RELCH: variants seen among roughly 807,000 people sequenced by gnomAD.
The protein encoded by RELCH is RAB11-binding protein RELCH.
Under a neutral mutation model 150.3 loss-of-function variants are expected in RELCH, and 41 were observed. That is an observed-to-expected ratio of 0.27 (90% CI 0.21 to 0.35). RELCH has a LOEUF of 0.35. RELCH is among the 10% of genes least tolerant of loss of function. The pLI, the probability that RELCH is intolerant of heterozygous loss-of-function variation, is 1.00. For missense variants in RELCH, 1,092 were observed against 1,467.8 expected (o/e 0.74, Z 4.18); for synonymous variants, 478 against 531.8 (o/e 0.90, Z 1.39).
intron 1 of RELCH, among the ~76,000 whole-genome samples, chr18:62,195,027 T>A (rs2038923655): frequency 6.6e-6 from 1 of 152,164 alleles, no homozygotes; most frequent in African/African-American, 2.4e-5. Flanking sequence ...TACTGTTTAA[T>A]TTTTTTCTTG....
intron 1 of RELCH, among the ~76,000 whole-genome samples, chr18:62,189,049 G>A (rs1038516264): frequency 6.6e-6 from 1 of 152,120 alleles, no homozygotes; most frequent in South Asian, 2.1e-4. Flanking sequence ...AGACGTGGTG[G>A]AAGCTTAGGG....
intron 1 of RELCH, among the ~76,000 whole-genome samples, chr18:62,193,566 A>G (rs56292591): frequency 0.16 from 24,747 of 152,102 alleles, 2,702 homozygotes; most frequent in Middle Eastern, 0.29. Flanking sequence ...GAGAGTTTTT[A>G]ACATAAAGGA....
At chr18:62,291,670 A>C in intron 27 of RELCH, 39 bp downstream of exon 27, 1 of 1,298,290 alleles carries the variant, frequency 7.7e-7, no homozygotes, top group Non-Finnish European at 1.1e-6. Flanking sequence ...TTCATGTTTT[A>C]ATACCTCATA....
chr18:62,266,534 TC>T (rs1252657421), intron 18 of RELCH, among the ~76,000 whole-genome samples, 166 bp from the exon 19 acceptor site: 1 of 151,840 alleles, frequency 6.6e-6, no homozygotes, highest in Non-Finnish European at 1.5e-5. Flanking sequence ...GACTCTTCTA[TC>T]CTAAGCCTCA....
intron 5 of RELCH, 62 bp downstream of exon 5, chr18:62,221,559 T>A: frequency 1.4e-6 from 1 of 729,724 alleles, no homozygotes; most frequent in Non-Finnish European, 2.2e-6. Flanking sequence ...CTTTTTCTTT[T>A]ACGTAGTTTC....
intron 1 of RELCH, among the ~76,000 whole-genome samples, chr18:62,197,914 T>G (rs1211787425): frequency 6.6e-6 from 1 of 152,224 alleles, no homozygotes; most frequent in Non-Finnish European, 1.5e-5. Context: ...CAGCCTATTG[T>G]TTGAAGACCA....
intron 26 of RELCH, among the ~76,000 whole-genome samples, chr18:62,289,752 ATC>A (rs1366862136): frequency 2.6e-5 from 4 of 152,228 alleles, no homozygotes; most frequent in Admixed American, 6.5e-5. Context: ...GTTTCCTAAT[ATC>A]TGATGGAACT....
At chr18:62,242,951 A>G (rs542108249) in intron 10 of RELCH, among the ~76,000 whole-genome samples, 3 of 152,278 alleles carry the variant, frequency 2.0e-5, no homozygotes, top group Non-Finnish European at 4.4e-5. Context: ...GTATACATGT[A>G]GAGATGATGG....
intron 15 of RELCH, among the ~76,000 whole-genome samples, chr18:62,260,375 C>CAA (rs201786752): frequency 0.21 from 21,612 of 100,740 alleles, 2,178 homozygotes; most frequent in Non-Finnish European, 0.31. Context: ...ATTAAAAAGA[C>CAA]AAAAAAAAAA....
At chr18:62,253,202 G>T (rs1013249890) in intron 12 of RELCH, among the ~76,000 whole-genome samples, 1 of 150,358 alleles carries the variant, frequency 6.7e-6, no homozygotes, top group Non-Finnish European at 1.5e-5. Context: ...GAATCTGAAT[G>T]AACTAAGATG....
intron 22 of RELCH, among the ~76,000 whole-genome samples, chr18:62,278,704 G>A (rs2044346044): frequency 6.6e-6 from 1 of 151,976 alleles, no homozygotes; most frequent in South Asian, 2.1e-4. Context: ...TGCCCTTCTC[G>A]GTTGAACTCA....
intron 11 of RELCH, among the ~76,000 whole-genome samples, chr18:62,247,973 C>T (rs193027491): frequency 1.4e-3 from 209 of 152,236 alleles, no homozygotes; most frequent in African/African-American, 4.9e-3. Flanking sequence ...CATAATACAT[C>T]CTGATGGACA....
chr18:62,197,136 G>A (rs1413446160), intron 1 of RELCH, among the ~76,000 whole-genome samples: 1 of 152,112 alleles, frequency 6.6e-6, no homozygotes, highest in Non-Finnish European at 1.5e-5. Flanking sequence ...CATCATCTGG[G>A]AACATGACAC....
intron 10 of RELCH, among the ~76,000 whole-genome samples, chr18:62,237,922 A>T (rs2148465787): frequency 6.6e-6 from 1 of 151,960 alleles, no homozygotes; most frequent in Non-Finnish European, 1.5e-5. Context: ...TTTTTCTTTA[A>T]AACAAGAAAA....
chr18:62,305,696 T>A lies in RELCH; in HGVS notation c.*162T>A. 1 of 638,976 alleles carries A rather than the reference T, an allele frequency of 1.6e-6. No homozygotes were observed. The highest frequency in any genetic ancestry group is 2.3e-6 in the Non-Finnish European group (1 of 425,752). The allele number at this position is 638,976 out of a possible 1,614,324, so 39.6% of individuals were successfully genotyped here. On this transcript the variant is annotated 3_prime_UTR_variant, in exon 29 of 29. Coordinates refer to ENST00000644646, the MANE Select transcript of RELCH (RefSeq NM_001346231.2). This position sits in a 1 kb window ranked among gnomAD's most constrained non-coding sequence, Gnocchi z 4.0. Reference sequence around the variant, plus strand: ...TTTGCACTGCTTTTAATTACTGCTGTATATTTGTTGATTTTGGAGTTACAA... The same window carrying A: ...TTTGCACTGCTTTTAATTACTGCTGAATATTTGTTGATTTTGGAGTTACAA...
intron 10 of RELCH, among the ~76,000 whole-genome samples, chr18:62,233,567 A>T (rs891775874): frequency 2.0e-5 from 3 of 152,010 alleles, no homozygotes; most frequent in Admixed American, 6.6e-5. Flanking sequence ...TAATTATTTT[A>T]AAATAGTCAT....
chr18:62,240,767 C>G (rs1184448618), intron 10 of RELCH, among the ~76,000 whole-genome samples: 1 of 152,048 alleles, frequency 6.6e-6, no homozygotes, highest in East Asian at 1.9e-4. Context: ...TGAGTACTCT[C>G]TAGGTTGCCA....
chr18:62,237,064 G>A (rs767068027), intron 10 of RELCH, among the ~76,000 whole-genome samples: 25 of 151,714 alleles, frequency 1.6e-4, no homozygotes, highest in South Asian at 4.2e-4. Flanking sequence ...TTATTTAAGA[G>A]CATGTTGTTT....
chr18:62,297,910 C>T (rs1416616217), intron 27 of RELCH, among the ~76,000 whole-genome samples: 1 of 152,180 alleles, frequency 6.6e-6, no homozygotes, highest in Non-Finnish European at 1.5e-5. Flanking sequence ...TGAACACTTC[C>T]ATGTGAATTG....
Sources: allele counts gnomAD v4.1 joint callset (sites outside exome capture counted in the v4.1 genomes callset), GRCh38; gene constraint gnomAD v4.1.1; non-coding constraint Gnocchi (gnomAD v3.1); transcripts MANE v1.5; gene names NCBI Gene and HGNC (gene_info 2026-07-23, HGNC 2026-07-21).